SUSD6: variants seen among roughly 807,000 people sequenced by gnomAD.
The protein encoded by SUSD6 is sushi domain containing 6, also known as sushi domain-containing protein 6.
In SUSD6, 16 loss-of-function variants were observed where a neutral mutation model predicts 28.4. That is an observed-to-expected ratio of 0.56 (90% CI 0.38 to 0.86). The LOEUF (loss-of-function observed/expected upper bound fraction) is 0.86, where lower values mean the gene tolerates loss of function less well. Among genes scored for constraint, SUSD6 ranks in the 40% least tolerant of loss-of-function variants. The pLI is 0.00. For missense variants in SUSD6, 341 were observed against 384.2 expected (o/e 0.89, Z 0.94); for synonymous variants, 147 against 159.6 (o/e 0.92, Z 0.59).
At chr14:69,638,737 C>T (rs1397639443) in intron 1 of SUSD6, among the ~76,000 whole-genome samples, 1 of 152,124 alleles carries the variant, frequency 6.6e-6, no homozygotes, top group African/African-American at 2.4e-5. Flanking sequence ...AATAGTAAGG[C>T]TGTGTCCTTC....
intron 1 of SUSD6, among the ~76,000 whole-genome samples, chr14:69,639,331 A>AAG (rs1176993418): frequency 6.7e-6 from 1 of 150,150 alleles, no homozygotes; most frequent in Non-Finnish European, 1.5e-5. Flanking sequence ...AAAAAAAAAA[A>AAG]AAAAAAAAGA....
At chr14:69,668,849 C>T (rs1885785821) in intron 2 of SUSD6, among the ~76,000 whole-genome samples, 2 of 151,602 alleles carry the variant, frequency 1.3e-5, no homozygotes, top group African/African-American at 4.8e-5. Flanking sequence ...ACCCCCTCCC[C>T]ACCTCCACTT....
chr14:69,622,883 A>G (rs1442548132), intron 1 of SUSD6, among the ~76,000 whole-genome samples: 1 of 152,192 alleles, frequency 6.6e-6, no homozygotes, highest in African/African-American at 2.4e-5. Flanking sequence ...CGTGAGCCAC[A>G]GCGTCCGGCC....
intron 2 of SUSD6, among the ~76,000 whole-genome samples, chr14:69,699,576 CT>C (rs1886283834): frequency 6.6e-6 from 1 of 151,626 alleles, no homozygotes; most frequent in African/African-American, 2.4e-5. Context: ...CTTAGGCATC[CT>C]TATTTCTTCT....
intron 2 of SUSD6, among the ~76,000 whole-genome samples, chr14:69,697,493 G>A (rs185300017): frequency 6.6e-6 from 1 of 152,236 alleles, no homozygotes; most frequent in Admixed American, 6.5e-5. Flanking sequence ...TATCTCATTA[G>A]TGAATTTTTA....
chr14:69,646,700 C>CTTTTTT lies in SUSD6; in HGVS notation c.-80-11799_-80-11794dup, dbSNP rs61409476. ...AAAACTTAGGCTTTTTTTTTTCCAT[C>CTTTTTT]TTTTTTTTTTTTTTTTTTTGAGACA... On this transcript the variant is annotated intron_variant, in intron 1 of 5. Coordinates refer to ENST00000342745, the MANE Select transcript of SUSD6 (RefSeq NM_014734.4). Among the ~76,000 whole-genome samples, 59 of 109,204 alleles carry CTTTTTT rather than the reference C, an allele frequency of 5.4e-4. 1 individual carries two copies. Among genetic ancestry groups the CTTTTTT allele is most frequent in the South Asian group, 6.2e-4 (2 of 3,210 alleles). 71.6% of individuals were successfully genotyped at this position (109,204 alleles called of 152,430 possible).
Position 69,708,976 on chromosome 14 carries a change from A to G in SUSD6, c.758A>G (p.His253Arg). The change falls in exon 5 of 6, where the codon CAT becomes CGT. Residue 253 changes from histidine (H) to arginine (R), a missense_variant. Physicochemically the swap from His to Arg is conservative, Grantham distance 29 (BLOSUM62 0). Transcript: ENST00000342745. Reference sequence around the variant, plus strand: ...CGGGCCTCAGAGACTGTGATGGTGCATCAGGCAACCACCTCTTCCTGGGTG... The same window carrying G: ...CGGGCCTCAGAGACTGTGATGGTGCGTCAGGCAACCACCTCTTCCTGGGTG... ...GSRASETVMV[H>R]QATTSSWVAG... 1.2e-6 allele frequency: 2 copies of G among 1,614,194 alleles called. No homozygotes were observed. Among genetic ancestry groups the G allele is most frequent in the South Asian group, 1.1e-5 (1 of 91,086 alleles).
intron 1 of SUSD6, among the ~76,000 whole-genome samples, chr14:69,631,138 C>G (rs1188439763): frequency 6.6e-6 from 1 of 152,232 alleles, no homozygotes; most frequent in Non-Finnish European, 1.5e-5. Context: ...TTTAGCATCA[C>G]CTGGGCCACC....
intron 1 of SUSD6, among the ~76,000 whole-genome samples, chr14:69,626,309 C>G (rs1027130505): frequency 3.9e-5 from 6 of 152,160 alleles, no homozygotes; most frequent in Non-Finnish European, 8.8e-5. Context: ...CACATGTGCC[C>G]TGCTCTCTTC....
intron 2 of SUSD6, among the ~76,000 whole-genome samples, chr14:69,678,884 A>G (rs1309224039): frequency 6.6e-6 from 1 of 151,944 alleles, no homozygotes; most frequent in Non-Finnish European, 1.5e-5. Flanking sequence ...CATGTGTCCT[A>G]AGCATGTGTG....
chr14:69,624,986 T>A (rs1417487889), intron 1 of SUSD6, among the ~76,000 whole-genome samples: 1 of 152,246 alleles, frequency 6.6e-6, no homozygotes, highest in African/African-American at 2.4e-5. Flanking sequence ...AAGTACTCCC[T>A]TGTAGAATTT....
At chr14:69,633,743 G>C (rs1435099360) in intron 1 of SUSD6, among the ~76,000 whole-genome samples, 1 of 152,190 alleles carries the variant, frequency 6.6e-6, no homozygotes, top group East Asian at 1.9e-4. Flanking sequence ...ATTGTTTGCT[G>C]TTTGGGTTTG....
intron 1 of SUSD6, among the ~76,000 whole-genome samples, 154 bp downstream of exon 1, chr14:69,611,982 C>T (rs1884881795): frequency 6.7e-6 from 1 of 149,344 alleles, no homozygotes; most frequent in Admixed American, 6.7e-5. Context: ...CGCTTCTCTG[C>T]GCCGGCCCGC....
intron 1 of SUSD6, among the ~76,000 whole-genome samples, chr14:69,626,616 C>T (rs532710010): frequency 3.3e-4 from 50 of 152,238 alleles, no homozygotes; most frequent in African/African-American, 1.2e-3. Flanking sequence ...CCATCAGGAT[C>T]TGAAAAGTAT....
chr14:69,711,088 C>G lies in SUSD6; in HGVS notation c.*109C>G. ...CAGCCACCTTACCTGGATACCTGAG[C>G]TGCCACCTGTGTATCTGTGTATCTC... On this transcript the variant is annotated 3_prime_UTR_variant, in exon 6 of 6. Transcript: ENST00000342745. The G allele has an allele frequency of 2.7e-6, 3 of 1,098,816 alleles. No homozygotes were observed. The South Asian group carries it at 3.8e-5, about 14-fold the overall frequency. 68.1% of individuals were successfully genotyped at this position (1,098,816 alleles called of 1,614,324 possible).
chr14:69,654,771 CTTTTTTTT>C (rs747847939), intron 1 of SUSD6, among the ~76,000 whole-genome samples: 4 of 122,476 alleles, frequency 3.3e-5, no homozygotes, highest in African/African-American at 6.8e-5. Flanking sequence ...TTACCAATTT[CTTTTTTTT>C]TTTTTTTTTT....
At chr14:69,670,812 G>C (rs1038250053) in intron 2 of SUSD6, among the ~76,000 whole-genome samples, 3 of 152,266 alleles carry the variant, frequency 2.0e-5, no homozygotes, top group Non-Finnish European at 2.9e-5. Flanking sequence ...GAGAGGAAGA[G>C]AGTATGGTGT....
chr14:69,656,039 T>C (rs1885577384), intron 1 of SUSD6, among the ~76,000 whole-genome samples: 1 of 152,140 alleles, frequency 6.6e-6, no homozygotes, highest in Admixed American at 6.5e-5. Context: ...TGTGCTCCCA[T>C]AGTACTCTGA....
At chr14:69,695,586 C>A (rs1038925773) in intron 2 of SUSD6, among the ~76,000 whole-genome samples, 1 of 152,030 alleles carries the variant, frequency 6.6e-6, no homozygotes, top group Non-Finnish European at 1.5e-5. Context: ...TCTGTGGCTC[C>A]CTTGACAGAT....
Sources: gnomAD v4.1 joint callset for allele counts (sites outside exome capture counted in the v4.1 genomes callset) on GRCh38, gnomAD v4.1.1 for gene constraint, MANE v1.5 for transcripts, NCBI Gene and HGNC (gene_info 2026-07-23, HGNC 2026-07-21) for gene names.